INTS6: variants seen among roughly 807,000 people sequenced by gnomAD.
The protein encoded by INTS6 is integrator complex subunit 6, also known as DEAD box protein.
In INTS6, 16 loss-of-function variants were observed where a neutral mutation model predicts 104.9. That is an observed-to-expected ratio of 0.15 (90% CI 0.10 to 0.23). The LOEUF (loss-of-function observed/expected upper bound fraction) is 0.23. INTS6 is among the 10% of genes least tolerant of loss of function. The pLI, the probability that INTS6 is intolerant of heterozygous loss-of-function variation, is 1.00. For missense variants in INTS6, 584 were observed against 1,062.8 expected, an observed-to-expected ratio of 0.55 and a Z score of 6.26; for synonymous variants, 324 against 358.7, an observed-to-expected ratio of 0.90 and a Z score of 1.09.
chr13:51,448,948 C>A (rs1311464227), intron 3 of INTS6: 1 of 152,126 alleles, frequency 6.6e-6, no homozygotes, highest in Non-Finnish European at 1.5e-5. Flanking sequence ...GAAGAAAACA[C>A]ATGAACAATA....
intron 15 of INTS6, among the ~76,000 whole-genome samples, chr13:51,370,728 T>C (rs1040701547): frequency 6.6e-6 from 1 of 152,040 alleles, no homozygotes; most frequent in African/African-American, 2.4e-5. Context: ...ACAGTTTATA[T>C]CGTATTTTCA....
At chr13:51,417,243 C>T (rs1174669293) in intron 4 of INTS6, among the ~76,000 whole-genome samples, 8 of 152,052 alleles carry the variant, frequency 5.3e-5, no homozygotes, top group Admixed American at 2.6e-4. Flanking sequence ...TCTAGTTGTT[C>T]TTTGTGCTTC....
chr13:51,424,385 A>G (rs996917948), intron 4 of INTS6, among the ~76,000 whole-genome samples: 5 of 152,006 alleles, frequency 3.3e-5, no homozygotes, highest in Non-Finnish European at 5.9e-5. Context: ...GAAAAAAAGT[A>G]TATCAATAAG....
chr13:51,405,022 T>C (rs990122378), intron 4 of INTS6, among the ~76,000 whole-genome samples: 2 of 152,128 alleles, frequency 1.3e-5, no homozygotes, highest in African/African-American at 2.4e-5. Flanking sequence ...TACAAAAGAA[T>C]AAATGATTAG....
At chr13:51,344,533 G>A in the INTS6 span, 1 of 1,433,984 alleles carries the variant, frequency 7.0e-7, no homozygotes, top group Middle Eastern at 1.7e-4. Context: ...GAGGGCTGCA[G>A]AGACAGAGTC....
intron 5 of INTS6, among the ~76,000 whole-genome samples, chr13:51,392,427 C>T (rs1325591193): frequency 6.7e-6 from 1 of 150,122 alleles, no homozygotes; most frequent in Non-Finnish European, 1.5e-5. Context: ...TTTATTGTAG[C>T]CTAAAGAGCC....
chr13:51,419,300 G>C (rs548320099), intron 4 of INTS6, among the ~76,000 whole-genome samples: 1 of 152,044 alleles, frequency 6.6e-6, no homozygotes, highest in Non-Finnish European at 1.5e-5. Flanking sequence ...AATCCATAAG[G>C]TTCCCATCTG....
In INTS6 at chr13:51,452,291, G is replaced by A; in HGVS notation, c.111+124C>T. ...CGCCCGCCCGCGCGGTGGGGGAGGG[G>A]GTCCCCGAGCCCGGCAGCTCCCGCA... is the stretch of plus-strand genomic sequence containing the variant. On this transcript the variant is annotated intron_variant, in intron 1 of 17. Transcript: ENST00000311234. The surrounding 1 kb of genome is among the most constrained non-coding windows in gnomAD (Gnocchi z 4.2). 2 of 1,037,400 alleles carry A rather than the reference G, an allele frequency of 1.9e-6. No individual in the cohort carries two copies. The highest frequency in any genetic ancestry group is 2.4e-6 in the Non-Finnish European group (2 of 829,438). The allele number at this position is 1,037,400 out of a possible 1,614,324, so 64.3% of individuals were successfully genotyped here.
At chr13:51,447,346 AAGT>A (rs1157014027) in intron 3 of INTS6, 2 of 152,198 alleles carry the variant, frequency 1.3e-5, no homozygotes, top group Non-Finnish European at 2.9e-5. Flanking sequence ...AGGGAAAAAA[AAGT>A]AGTATTAGAA....
intron 3 of INTS6, among the ~76,000 whole-genome samples, chr13:51,434,947 T>G (rs528292700): frequency 1.3e-5 from 2 of 152,156 alleles, no homozygotes; most frequent in Admixed American, 1.3e-4. Context: ...CTATCTGGTG[T>G]CAAGCCTACG....
chr13:51,382,446 T>C (rs1302800634), intron 9 of INTS6, among the ~76,000 whole-genome samples: 4 of 152,210 alleles, frequency 2.6e-5, no homozygotes, highest in Admixed American at 1.3e-4. Context: ...AAAATATACG[T>C]ACTAATATTT....
rs571646962 is a variant in INTS6 at position 51,382,848 on chromosome 13, G to A, written c.1180+481C>T. 1.6e-4 allele frequency among the ~76,000 whole-genome samples: 24 copies of A among 152,342 alleles called. No homozygotes were observed. In the South Asian group the frequency reaches 3.7e-3, roughly 24 times the overall value. ...TCCCAGCACTTTGGGAGGCCAAGGC[G>A]GGCGGATCACCTGAGATCAGGAGTT... On this transcript the variant is annotated intron_variant, in intron 9 of 17. Coordinates refer to ENST00000311234, the MANE Select transcript of INTS6 (RefSeq NM_012141.3).
chr13:51,430,387 A>G lies in INTS6; in HGVS notation c.340-4T>C, dbSNP rs1957069193. 6.2e-7 allele frequency: 1 copy of G among 1,605,492 alleles called. No individual in the cohort carries two copies. The highest frequency in any genetic ancestry group is 1.1e-5 in the South Asian group (1 of 89,744). On this transcript the variant is annotated splice_polypyrimidine_tract_variant and splice_region_variant and intron_variant, in intron 3 of 17. Coordinates refer to ENST00000311234, the MANE Select transcript of INTS6 (RefSeq NM_012141.3). ...CCAAGAAAAAAGGGTTTCTTCCCTA[A>G]AGTCAAAAAACACATTGATCATACA...
intron 3 of INTS6, chr13:51,355,256 G>T (rs796541868): frequency 3.5e-5 from 17 of 483,000 alleles, no homozygotes; most frequent in African/African-American, 3.3e-4. Flanking sequence ...GAATAAGAAA[G>T]GTGCTCTGTT....
Position 51,361,985 on chromosome 13 carries a change from G to A in INTS6, c.*3767C>T, listed in dbSNP as rs561201135. Reference sequence around the variant, plus strand: ...TTGTCCACTATCCCCTCAAAAATAAGCATTCTTTCTAGCTGTTTTTATGGT... The same window carrying A: ...TTGTCCACTATCCCCTCAAAAATAAACATTCTTTCTAGCTGTTTTTATGGT... On this transcript the variant is annotated 3_prime_UTR_variant, in exon 18 of 18. Transcript: ENST00000311234. 6.2e-7 allele frequency: 1 copy of A among 1,610,546 alleles called. No individual in the cohort carries two copies. The highest frequency in any genetic ancestry group is 8.5e-7 in the Non-Finnish European group (1 of 1,178,090).
intron 4 of INTS6, among the ~76,000 whole-genome samples, chr13:51,404,063 TACACACACACACACACACACAC>T (rs71085082): frequency 9.1e-6 from 1 of 109,618 alleles, no homozygotes; most frequent in Non-Finnish European, 1.7e-5. Context: ...TCTCTACAAA[TACACACACACACACACACACAC>T]ACACACACAC....
intron 4 of INTS6, among the ~76,000 whole-genome samples, chr13:51,404,488 C>T (rs1956519946): frequency 6.6e-6 from 1 of 152,010 alleles, no homozygotes; most frequent in Non-Finnish European, 1.5e-5. Context: ...AATACAAACA[C>T]ATGAGCTGCA....
intron 3 of INTS6, chr13:51,450,708 A>ATT (rs1218749479): frequency 9.9e-7 from 1 of 1,015,054 alleles, no homozygotes; most frequent in Admixed American, 5.8e-5. Flanking sequence ...CACATACAAC[A>ATT]TGAGTGTGGT....
chr13:51,419,325 T>TA (rs1302775729), intron 4 of INTS6, among the ~76,000 whole-genome samples: 10 of 152,204 alleles, frequency 6.6e-5, no homozygotes, highest in Non-Finnish European at 1.0e-4. Flanking sequence ...GTTCAATCTA[T>TA]AAGGTTTTCA....
Sources: gnomAD v4.1 joint callset for allele counts (sites outside exome capture counted in the v4.1 genomes callset) on GRCh38, gnomAD v4.1.1 for gene constraint, Gnocchi (gnomAD v3.1) non-coding constraint, MANE v1.5 for transcripts, NCBI Gene and HGNC (gene_info 2026-07-23, HGNC 2026-07-21) for gene names.